ZNF804A: variants seen among roughly 807,000 people sequenced by gnomAD.
ZNF804A encodes zinc finger protein 804A.
ZNF804A carries 2 observed loss-of-function variants against 16.5 expected under a neutral mutation model. The observed-to-expected ratio is 0.12, with a 90% confidence interval of 0.05 to 0.38. ZNF804A has a LOEUF of 0.38. Among genes scored for constraint, ZNF804A ranks in the 10% least tolerant of loss-of-function variants. The pLI is 0.99. For missense variants in ZNF804A, 1,473 were observed against 1,390.7 expected, an observed-to-expected ratio of 1.06 and a Z score of -0.94; for synonymous variants, 534 against 489.6, an observed-to-expected ratio of 1.09 and a Z score of -1.20.
intron 2 of ZNF804A, among the ~76,000 whole-genome samples, chr2:184,869,730 T>G (rs987238469): frequency 3.9e-5 from 6 of 152,050 alleles, no homozygotes; most frequent in African/African-American, 1.4e-4. Flanking sequence ...TGTAGGCTAA[T>G]AGAGTCTTTA....
At chr2:184,716,104 A>G (rs1693208815) in intron 1 of ZNF804A, among the ~76,000 whole-genome samples, 1 of 152,172 alleles carries the variant, frequency 6.6e-6, no homozygotes, top group Non-Finnish European at 1.5e-5. Flanking sequence ...AAATATCAGA[A>G]GGCATTATAT....
intron 1 of ZNF804A, among the ~76,000 whole-genome samples, chr2:184,700,508 A>G (rs1466796930): frequency 6.6e-6 from 1 of 152,108 alleles, no homozygotes; most frequent in Non-Finnish European, 1.5e-5. Context: ...TGCGAGTAGA[A>G]TAATAAACAC....
At chr2:184,640,215 G>A (rs780344723) in intron 1 of ZNF804A, among the ~76,000 whole-genome samples, 12 of 151,486 alleles carry the variant, frequency 7.9e-5, no homozygotes, top group Non-Finnish European at 1.3e-4. Context: ...GGAAAAGAAC[G>A]AGGAAGAAGG....
chr2:184,902,917 C>G (rs1685209613), intron 2 of ZNF804A, among the ~76,000 whole-genome samples: 1 of 152,122 alleles, frequency 6.6e-6, no homozygotes, highest in African/African-American at 2.4e-5. Context: ...TGTACAGTTA[C>G]AAGGTTTAAA....
intron 1 of ZNF804A, among the ~76,000 whole-genome samples, chr2:184,708,047 AT>A (rs1266676918): frequency 1.3e-5 from 2 of 151,778 alleles, no homozygotes; most frequent in Non-Finnish European, 2.9e-5. Flanking sequence ...AGTGATTTTG[AT>A]TATTTTTTCA....
intron 1 of ZNF804A, among the ~76,000 whole-genome samples, chr2:184,722,074 C>A (rs145414432): frequency 2.6e-5 from 4 of 151,860 alleles, no homozygotes; most frequent in Non-Finnish European, 5.9e-5. Context: ...AGACACTACA[C>A]TCTGAGAAGA....
chr2:184,838,113 T>C (rs1695382183), intron 1 of ZNF804A, among the ~76,000 whole-genome samples: 1 of 151,326 alleles, frequency 6.6e-6, no homozygotes, highest in Non-Finnish European at 1.5e-5. Flanking sequence ...ACTACTGAAA[T>C]AGCAGGTTGG....
At position 184,603,224 on chromosome 2, in the gene ZNF804A, C is replaced by T. The variant is rs549821593; in HGVS notation, c.111+4154C>T. On this transcript the variant is annotated intron_variant, in intron 1 of 3. Transcript: ENST00000302277. ...AATTACAAAGCACTGTTCTAGGCAC[C>T]ACAGGCTCTGTATTAGGCACTAAAT... Among the ~76,000 whole-genome samples, 7 of 152,180 alleles carry T rather than the reference C, an allele frequency of 4.6e-5. No individual in the cohort carries two copies. In the East Asian group the frequency reaches 1.4e-3, roughly 29 times the overall value.
Position 184,935,907 on chromosome 2 carries a change from AT to A in ZNF804A, c.513del (p.His172IlefsTer53). On this transcript the variant is annotated frameshift_variant, in exon 4 of 4. Coordinates refer to ENST00000302277, the MANE Select transcript of ZNF804A (RefSeq NM_194250.2). LOFTEE classifies it low-confidence loss of function (END_TRUNC). ...CCAGCAAGATTTCAAATATACTTTGATTCATAGTGAAGAGAATACTAAAGAT... is the reference window on the plus strand; with the variant it reads ...CCAGCAAGATTTCAAATATACTTTGATCATAGTGAAGAGAATACTAAAGAT... Reference protein sequence around the residue: ...NNQQDFKYTLIHSEENTKDAT... With the variant: ...NNQQDFKYTLXHSEENTKDAT... The A allele has an allele frequency of 6.2e-7, 1 of 1,613,966 alleles. No homozygotes were observed. Among genetic ancestry groups the A allele is most frequent in the Non-Finnish European group, 8.5e-7 (1 of 1,179,910 alleles).
At chr2:184,671,130 C>A (rs1427426962) in intron 1 of ZNF804A, among the ~76,000 whole-genome samples, 2 of 152,132 alleles carry the variant, frequency 1.3e-5, no homozygotes, top group African/African-American at 4.8e-5. Flanking sequence ...GTAATCAGTT[C>A]AGGCTTTTGA....
At chr2:184,683,946 T>C (rs1692583762) in intron 1 of ZNF804A, among the ~76,000 whole-genome samples, 1 of 152,204 alleles carries the variant, frequency 6.6e-6, no homozygotes, top group African/African-American at 2.4e-5. Context: ...TTTTGTGGTA[T>C]ATGTCTGTTT....
chr2:184,762,966 T>C (rs1574200352), intron 1 of ZNF804A, among the ~76,000 whole-genome samples: 1 of 152,312 alleles, frequency 6.6e-6, no homozygotes, highest in East Asian at 1.9e-4. Context: ...TTGGCCTCTT[T>C]TAAATCACAA....
chr2:184,762,044 A>T (rs1559143856), intron 1 of ZNF804A, among the ~76,000 whole-genome samples: 1 of 152,080 alleles, frequency 6.6e-6, no homozygotes, highest in South Asian at 2.1e-4. Context: ...TGCTGAAAGG[A>T]GGATAAAGGA....
chr2:184,846,105 G>A (rs757588675), intron 1 of ZNF804A, among the ~76,000 whole-genome samples: 5 of 152,198 alleles, frequency 3.3e-5, no homozygotes, highest in East Asian at 1.9e-4. Flanking sequence ...CTTCGTATGT[G>A]TCAGAGCTGA....
intron 1 of ZNF804A, among the ~76,000 whole-genome samples, chr2:184,688,251 T>A (rs975237723): frequency 5.3e-5 from 8 of 152,044 alleles, no homozygotes; most frequent in African/African-American, 1.9e-4. Context: ...CACTCCCCAG[T>A]TCATTCTTCT....
At chr2:184,807,013 T>G (rs952692211) in intron 1 of ZNF804A, among the ~76,000 whole-genome samples, 5 of 151,790 alleles carry the variant, frequency 3.3e-5, no homozygotes, top group African/African-American at 1.2e-4. Context: ...TGAGGAAACA[T>G]TAGTATGACT....
At chr2:184,917,593 A>G (rs1309393632) in intron 2 of ZNF804A, among the ~76,000 whole-genome samples, 1 of 152,138 alleles carries the variant, frequency 6.6e-6, no homozygotes, top group East Asian at 1.9e-4. Context: ...AACGTATATT[A>G]CAGTATATTG....
chr2:184,811,206 T>TA (rs1489790597), intron 1 of ZNF804A, among the ~76,000 whole-genome samples: 1 of 152,166 alleles, frequency 6.6e-6, no homozygotes, highest in African/African-American at 2.4e-5. Context: ...CCATCAGGTA[T>TA]ATAGCATCAA....
intron 1 of ZNF804A, among the ~76,000 whole-genome samples, chr2:184,683,496 C>A (rs1480482): frequency 0.059 from 9,002 of 152,200 alleles, 392 homozygotes; most frequent in Non-Finnish European, 0.081. Context: ...TAATACTTTC[C>A]CACCATTTAT....
Sources: allele counts gnomAD v4.1 joint callset (sites outside exome capture counted in the v4.1 genomes callset), GRCh38; gene constraint gnomAD v4.1.1; transcripts MANE v1.5; gene names NCBI Gene and HGNC (gene_info 2026-07-23, HGNC 2026-07-21).